MAP3K4: variants seen among roughly 807,000 people sequenced by gnomAD.
MAP3K4 encodes MAP three kinase 1.
In MAP3K4, 67 loss-of-function variants were observed where a neutral mutation model predicts 185.6. The observed-to-expected ratio is 0.36, with a 90% CI of 0.30 to 0.44. MAP3K4 has a LOEUF of 0.44. Among genes scored for constraint, MAP3K4 ranks in the 20% least tolerant of loss-of-function variants. The pLI is 1.00. For missense variants in MAP3K4, 1,551 were observed against 1,995.1 expected (o/e 0.78, Z 4.24); for synonymous variants, 702 against 710.4 (o/e 0.99, Z 0.19).
Position 161,101,889 on chromosome 6 carries a change from C to T in MAP3K4, c.3675-3C>T, listed in dbSNP as rs1777853622. Reference sequence around the variant, plus strand: ...AGCTCAATTATTAAAAATATTAAAACAGGGGTTCCAGCGTTCCTGAAAATG... The same window carrying T: ...AGCTCAATTATTAAAAATATTAAAATAGGGGTTCCAGCGTTCCTGAAAATG... On this transcript the variant is annotated splice_polypyrimidine_tract_variant and splice_region_variant and intron_variant, in intron 17 of 26. Coordinates refer to ENST00000392142, the MANE Select transcript of MAP3K4 (RefSeq NM_005922.4). This position sits in a 1 kb window ranked among gnomAD's most constrained non-coding sequence, Gnocchi z 5.1. 1 of 1,609,772 alleles carries T rather than the reference C, an allele frequency of 6.2e-7. No homozygotes were observed. The highest frequency in any genetic ancestry group is 8.5e-7 in the Non-Finnish European group (1 of 1,176,584).
rs967724522 is a variant in MAP3K4, at chr6:161,043,940, T to C, written c.344-4676T>C. ...AACATAAAAATTGCAAGAGTTTGAT[T>C]AAAAATACAATTAATACATATTCTA... On this transcript the variant is annotated intron_variant, in intron 2 of 26. Coordinates refer to ENST00000392142, the MANE Select transcript of MAP3K4 (RefSeq NM_005922.4). The surrounding 1 kb of genome is among the most constrained non-coding windows in gnomAD (Gnocchi z 4.3). 1.3e-5 allele frequency among the ~76,000 whole-genome samples: 2 copies of C among 152,222 alleles called. No individual in the cohort carries two copies. The highest frequency in any genetic ancestry group is 4.8e-5 in the African/African-American group (2 of 41,454).
At chr6:161,016,714 T>G (rs1344319863) in intron 1 of MAP3K4, among the ~76,000 whole-genome samples, 1 of 152,256 alleles carries the variant, frequency 6.6e-6, no homozygotes, top group Non-Finnish European at 1.5e-5. Context: ...TCTGTCCTTA[T>G]GCCATTATCA....
At chr6:161,057,363 G>A (rs1452638559) in intron 3 of MAP3K4, among the ~76,000 whole-genome samples, 1 of 152,184 alleles carries the variant, frequency 6.6e-6, no homozygotes, top group Non-Finnish European at 1.5e-5. Flanking sequence ...TTTTCCAAAT[G>A]CAGAAACCAG....
intron 1 of MAP3K4, among the ~76,000 whole-genome samples, chr6:161,006,967 A>T (rs567199369): frequency 6.6e-6 from 1 of 152,202 alleles, no homozygotes. Context: ...CCCTATTATA[A>T]CCCATTAATT....
chr6:161,084,563 G>C lies in MAP3K4; in HGVS notation c.2318G>C (p.Ser773Thr), dbSNP rs904743911. 1 of 1,613,204 alleles carries C rather than the reference G, an allele frequency of 6.2e-7. No homozygotes were observed. The highest frequency in any genetic ancestry group is 1.3e-5 in the African/African-American group (1 of 74,900). Reference sequence around the variant, plus strand: ...TTTTTAGAATTTGGCTTACAGGAGAGCTGTGCTGAATTTTGGACTAGTGCG... The same window carrying C: ...TTTTTAGAATTTGGCTTACAGGAGACCTGTGCTGAATTTTGGACTAGTGCG... Reference protein sequence around the residue: ...GSFLEFGLQESCAEFWTSADD... With the variant: ...GSFLEFGLQETCAEFWTSADD... Residue 773 changes from serine (S) to threonine (T), a missense_variant, in exon 7 of 27, where the codon AGC (serine) becomes ACC (threonine). Transcript: ENST00000392142. The surrounding 1 kb of genome is among the most constrained non-coding windows in gnomAD (Gnocchi z 4.6).
chr6:160,993,414 T>A (rs1780833692), intron 1 of MAP3K4, among the ~76,000 whole-genome samples: 1 of 152,242 alleles, frequency 6.6e-6, no homozygotes, highest in Non-Finnish European at 1.5e-5. Flanking sequence ...GCCATTGTCT[T>A]TATTTCTATT....
intron 7 of MAP3K4, among the ~76,000 whole-genome samples, chr6:161,085,699 G>C (rs753550955): frequency 2.0e-5 from 3 of 152,214 alleles, no homozygotes; most frequent in Non-Finnish European, 2.9e-5. Flanking sequence ...AAATAAGTTT[G>C]TAGGTCTCAC....
Position 161,096,780 on chromosome 6 carries a change from A to G in MAP3K4, c.3428-300A>G, listed in dbSNP as rs908591912. The G allele has an allele frequency of 1.2e-5, 3 of 248,294 alleles. No homozygotes were observed. Among genetic ancestry groups the G allele is most frequent in the Non-Finnish European group, 2.3e-5 (3 of 128,508 alleles). 15.4% of individuals were successfully genotyped at this position (248,294 alleles called of 1,614,324 possible). A position where few individuals can be genotyped will look rare whatever the true frequency, so the allele number is the denominator to read the frequency against. ...TTAGGGAGATACCACATTTTCATGT[A>G]TCTCTAAAATGGGTTAAATCATTTG... On this transcript the variant is annotated intron_variant, in intron 15 of 26. Coordinates refer to ENST00000392142, the MANE Select transcript of MAP3K4 (RefSeq NM_005922.4). This position sits in a 1 kb window ranked among gnomAD's most constrained non-coding sequence, Gnocchi z 4.9.
At position 161,071,592 on chromosome 6, in the gene MAP3K4, T is replaced by C. The variant is rs1445344604; in HGVS notation, c.1950+742T>C. Reference sequence around the variant, plus strand: ...ACAAAGCATAGGTGAGCAGTGCAGATTGAGGAAAGGCAGGTGAATACAGGT... The same window carrying C: ...ACAAAGCATAGGTGAGCAGTGCAGACTGAGGAAAGGCAGGTGAATACAGGT... On this transcript the variant is annotated intron_variant, in intron 4 of 26. Transcript: ENST00000392142. The surrounding 1 kb of genome is among the most constrained non-coding windows in gnomAD (Gnocchi z 4.6). Among the ~76,000 whole-genome samples, 2 of 152,162 alleles carry C rather than the reference T, an allele frequency of 1.3e-5. No individual in the cohort carries two copies. The highest frequency in any genetic ancestry group is 1.9e-4 in the East Asian group (1 of 5,198).
In MAP3K4 at chr6:161,112,110, T is replaced by C. The variant is rs1487905020; in HGVS notation, c.4519+152T>C. 1.2e-5 allele frequency: 12 copies of C among 974,200 alleles called. No homozygotes were observed. In the Admixed American group the frequency reaches 2.5e-4, roughly 20 times the overall value. 60.3% of individuals were successfully genotyped at this position (974,200 alleles called of 1,614,324 possible). A position where few individuals can be genotyped will look rare whatever the true frequency, so the allele number is the denominator to read the frequency against. ...GGACCACTTCCTCACACACTTGGGC[T>C]CCCACGCAAGAGCAGCTGTCACATT... is the stretch of plus-strand genomic sequence containing the variant. On this transcript the variant is annotated intron_variant, in intron 24 of 26. Transcript: ENST00000392142. The surrounding 1 kb of genome is among the most constrained non-coding windows in gnomAD (Gnocchi z 5.1).
chr6:161,047,626 C>T (rs1324030003), intron 2 of MAP3K4, among the ~76,000 whole-genome samples: 1 of 151,992 alleles, frequency 6.6e-6, no homozygotes, highest in Admixed American at 6.6e-5. Flanking sequence ...TGAGATCACC[C>T]AGGGAGAAGA....
chr6:161,086,728 G>C lies in MAP3K4; in HGVS notation c.2556+61G>C. ...CCTTTCCTTCTTTATTCTAAAACAG[G>C]CAGACTTTTTCTTGAAGGTCCAGAT... On this transcript the variant is annotated intron_variant, in intron 9 of 26. Coordinates refer to ENST00000392142, the MANE Select transcript of MAP3K4 (RefSeq NM_005922.4). This position sits in a 1 kb window ranked among gnomAD's most constrained non-coding sequence, Gnocchi z 4.8. The C allele has an allele frequency of 7.2e-7, 1 of 1,396,700 alleles. No homozygotes were observed. The highest frequency in any genetic ancestry group is 1.4e-5 in the African/African-American group (1 of 69,488). The allele number at this position is 1,396,700 out of a possible 1,614,324, so 86.5% of individuals were successfully genotyped here.
Position 161,107,193 on chromosome 6 carries a change from C to T in MAP3K4, c.4048+488C>T, listed in dbSNP as rs1359968110. Among the ~76,000 whole-genome samples, 2 of 152,048 alleles carry T rather than the reference C, an allele frequency of 1.3e-5. No individual in the cohort carries two copies. Among genetic ancestry groups the T allele is most frequent in the Non-Finnish European group, 2.9e-5 (2 of 68,012 alleles). ...GTGGAATTGCTTCATGTAAAATAGTCGTAAATTATGTGAGGGAAGAAGTCT... is the reference window on the plus strand; with the variant it reads ...GTGGAATTGCTTCATGTAAAATAGTTGTAAATTATGTGAGGGAAGAAGTCT... On this transcript the variant is annotated intron_variant, in intron 20 of 26. Transcript: ENST00000392142. The surrounding 1 kb of genome is among the most constrained non-coding windows in gnomAD (Gnocchi z 6.2).
Position 161,091,459 on chromosome 6 carries a change from T to A in MAP3K4, c.3054T>A (p.Ala1018=). ...VDHMFTSEFD[A]EVDESESVTL... ...ACATGTTCACATCAGAATTTGATGCTGAGGTTGATGAATCTGAATCTGTCA... is the reference window on the plus strand; with the variant it reads ...ACATGTTCACATCAGAATTTGATGCAGAGGTTGATGAATCTGAATCTGTCA... The change falls in exon 12 of 27, where the codon GCT becomes GCA. Residue 1018 remains alanine (A), a synonymous_variant. Coordinates refer to ENST00000392142, the MANE Select transcript of MAP3K4 (RefSeq NM_005922.4). The surrounding 1 kb of genome is among the most constrained non-coding windows in gnomAD (Gnocchi z 5.5). 2.5e-6 allele frequency: 4 copies of A among 1,614,106 alleles called. No individual in the cohort carries two copies. Among genetic ancestry groups the A allele is most frequent in the Non-Finnish European group, 2.5e-6 (3 of 1,179,952 alleles).
intron 11 of MAP3K4, among the ~76,000 whole-genome samples, chr6:161,090,356 G>A (rs1056954990): frequency 1.8e-4 from 28 of 152,188 alleles, no homozygotes; most frequent in Non-Finnish European, 5.9e-5. Flanking sequence ...ACAAAAGCTC[G>A]AGCCAGGGCA....
chr6:161,116,903 T>G lies in MAP3K4; in HGVS notation c.*33T>G. The G allele has an allele frequency of 6.3e-7, 1 of 1,593,438 alleles. No individual in the cohort carries two copies. The highest frequency in any genetic ancestry group is 8.6e-7 in the Non-Finnish European group (1 of 1,161,092). The stretch of plus-strand genomic sequence containing the variant: ...TAGAATATGGACTTGGAAAATTCTC[T>G]TAATCACTACTGTATGTAATATTTA... On this transcript the variant is annotated 3_prime_UTR_variant, in exon 27 of 27. Coordinates refer to ENST00000392142, the MANE Select transcript of MAP3K4 (RefSeq NM_005922.4). The surrounding 1 kb of genome is among the most constrained non-coding windows in gnomAD (Gnocchi z 6.2).
At position 161,077,541 on chromosome 6, in the gene MAP3K4, G is replaced by C. The variant is rs748594319; in HGVS notation, c.2098-3340G>C. On this transcript the variant is annotated intron_variant, in intron 5 of 26. Transcript: ENST00000392142. The surrounding 1 kb of genome is among the most constrained non-coding windows in gnomAD (Gnocchi z 4.3). The stretch of plus-strand genomic sequence containing the variant: ...CCGCAGGCAGCCTGTGGGGGCTCCA[G>C]CTGCAGGTGGAGAGTAGGCTGGGGG... Among the ~76,000 whole-genome samples the C allele has an allele frequency of 1.3e-4, 20 of 152,206 alleles. No individual in the cohort carries two copies. The highest frequency in any genetic ancestry group is 2.4e-4 in the African/African-American group (10 of 41,454).
rs1452899878 is a variant in MAP3K4 at position 161,049,872 on chromosome 6, C to T, written c.1600C>T (p.Leu534=). The stretch of plus-strand genomic sequence containing the variant: ...TTATAGACCATTTGTAGACAAAGCA[C>T]TGAAGCAGATGGGGTTAAGAAAGTT... ...SIYRPFVDKA[L]KQMGLRKLIL... is the part of the protein sequence containing the mutation. Residue 534 remains leucine (L), a synonymous_variant, in exon 3 of 27, where the codon CTG becomes TTG. Coordinates refer to ENST00000392142, the MANE Select transcript of MAP3K4 (RefSeq NM_005922.4). This position sits in a 1 kb window ranked among gnomAD's most constrained non-coding sequence, Gnocchi z 8.4. The T allele has an allele frequency of 1.2e-6, 2 of 1,614,086 alleles. No homozygotes were observed. Among genetic ancestry groups the T allele is most frequent in the Non-Finnish European group, 8.5e-7 (1 of 1,180,010 alleles).
At chr6:161,014,835 T>A (rs931571519) in intron 1 of MAP3K4, among the ~76,000 whole-genome samples, 1 of 150,720 alleles carries the variant, frequency 6.6e-6, no homozygotes, top group African/African-American at 2.4e-5. Context: ...TATGCAACCA[T>A]TACCACAGTC....
Sources: allele counts gnomAD v4.1 joint callset (sites outside exome capture counted in the v4.1 genomes callset), GRCh38; gene constraint gnomAD v4.1.1; non-coding constraint Gnocchi (gnomAD v3.1); transcripts MANE v1.5; gene names NCBI Gene and HGNC (gene_info 2026-07-23, HGNC 2026-07-21).